Variants in SMG6 observed in about 807,000 individuals in gnomAD.
SMG6 encodes telomerase-binding protein EST1A.
A neutral mutation model predicts 142.2 loss-of-function variants in SMG6; 66 were observed. That is an observed-to-expected ratio of 0.46 (90% CI 0.38 to 0.57). SMG6 has a LOEUF of 0.57. SMG6 is among the 20% of genes least tolerant of loss of function. SMG6 has a pLI of 0.00. For missense variants in SMG6, 1,793 were observed against 1,832.0 expected (o/e 0.98, Z 0.39); for synonymous variants, 779 against 702.4 (o/e 1.11, Z -1.72).
rs1567722797 is a variant in SMG6, at chr17:2,255,947, G to T, written c.2662-11228C>A. ...CTCAGGGTTGAATGGATTAAGGGCG[G>T]TGCAAGATGTGCTTTGTTAAACAGA... is the stretch of plus-strand genomic sequence containing the variant. On this transcript the variant is annotated intron_variant, in intron 8 of 18. Transcript: ENST00000263073. 9 of 203,996 alleles carry T rather than the reference G, an allele frequency of 4.4e-5. 1 individual carries two copies. The highest frequency in any genetic ancestry group is 1.2e-4 in the African/African-American group (5 of 42,146). The allele number at this position is 203,996 out of a possible 1,614,324, so 12.6% of individuals were successfully genotyped here. A position where few individuals can be genotyped will look rare whatever the true frequency, so the allele number is the denominator to read the frequency against.
intron 13 of SMG6, among the ~76,000 whole-genome samples, chr17:2,098,115 A>G (rs7220412): frequency 0.018 from 2,805 of 152,038 alleles, 93 homozygotes; most frequent in African/African-American, 0.065. Flanking sequence ...CAACTTCCTC[A>G]GGAGCTGGGA....
chr17:2,091,123 T>C (rs1567589904), intron 13 of SMG6, among the ~76,000 whole-genome samples: 1 of 152,252 alleles, frequency 6.6e-6, no homozygotes, highest in East Asian at 1.9e-4. Flanking sequence ...CAGAGGAAAC[T>C]GAAGGGTGGG....
At chr17:2,092,963 A>G (rs1665740969) in intron 13 of SMG6, among the ~76,000 whole-genome samples, 1 of 152,150 alleles carries the variant, frequency 6.6e-6, no homozygotes, top group African/African-American at 2.4e-5. Flanking sequence ...GGGGAGGCTG[A>G]GGCAGTGGAT....
At chr17:2,246,789 T>C (rs2073937626) in intron 8 of SMG6, among the ~76,000 whole-genome samples, 1 of 151,974 alleles carries the variant, frequency 6.6e-6, no homozygotes, top group Admixed American at 6.6e-5. Flanking sequence ...CTACTAAAAA[T>C]ACAAAAATTA....
intron 12 of SMG6, among the ~76,000 whole-genome samples, chr17:2,186,256 CAA>C (rs397771010): frequency 3.6e-4 from 40 of 111,116 alleles, no homozygotes; most frequent in Non-Finnish European, 4.2e-4. Flanking sequence ...TACCCTGTTT[CAA>C]AAAAAAAAAA....
chr17:2,113,322 C>T (rs761585776), intron 13 of SMG6, among the ~76,000 whole-genome samples: 17 of 152,094 alleles, frequency 1.1e-4, no homozygotes, highest in Non-Finnish European at 2.4e-4. Flanking sequence ...GTGATCCACC[C>T]GCCTCGGCCT....
intron 10 of SMG6, among the ~76,000 whole-genome samples, chr17:2,215,172 G>A (rs919050041): frequency 3.9e-4 from 59 of 152,138 alleles, no homozygotes; most frequent in African/African-American, 1.4e-3. Context: ...AATGTGAAGA[G>A]TGGCTGCTGA....
intron 16 of SMG6, among the ~76,000 whole-genome samples, chr17:2,066,924 C>T (rs952254540): frequency 3.9e-5 from 6 of 152,210 alleles, no homozygotes; most frequent in African/African-American, 7.2e-5. Context: ...GTCAGGTCTG[C>T]GGAGCACAGA....
At chr17:2,092,788 A>C (rs372622488) in intron 13 of SMG6, among the ~76,000 whole-genome samples, 1 of 152,278 alleles carries the variant, frequency 6.6e-6, no homozygotes, top group Non-Finnish European at 1.5e-5. Context: ...CCTGGGCTTC[A>C]TAGTTACACA....
At chr17:2,265,772 C>T (rs1462958003) in intron 8 of SMG6, among the ~76,000 whole-genome samples, 1 of 152,196 alleles carries the variant, frequency 6.6e-6, no homozygotes, top group Non-Finnish European at 1.5e-5. Flanking sequence ...ATATTTTGCC[C>T]ATCCCTGTTC....
Position 2,251,662 on chromosome 17 carries a change from G to A in SMG6, c.2662-6943C>T, listed in dbSNP as rs79635221. On this transcript the variant is annotated intron_variant, in intron 8 of 18. Coordinates refer to ENST00000263073, the MANE Select transcript of SMG6 (RefSeq NM_017575.5). The stretch of plus-strand genomic sequence containing the variant: ...TTATACTAAAGCAATTTGTTACTTC[G>A]TTATCCCTCCTAGTTAAAGCCAGCA... Among the ~76,000 whole-genome samples the A allele has an allele frequency of 4.5e-3, 681 of 152,266 alleles. 7 individuals are homozygous for A. The highest frequency in any genetic ancestry group is 0.015 in the African/African-American group (643 of 41,538).
chr17:2,245,747 C>T (rs1011027968), intron 8 of SMG6, among the ~76,000 whole-genome samples: 1 of 152,024 alleles, frequency 6.6e-6, no homozygotes, highest in African/African-American at 2.4e-5. Context: ...GTGGTGTGAT[C>T]ACAGCTCACT....
In SMG6 at chr17:2,258,008, CAAAAAAAAAAAAAA is replaced by C. The variant is rs869066817; in HGVS notation, c.2662-13303_2662-13290del. On this transcript the variant is annotated intron_variant, in intron 8 of 18. Coordinates refer to ENST00000263073, the MANE Select transcript of SMG6 (RefSeq NM_017575.5). ...TGGGCGACAAAGCGAGACTCTGTCG[CAAAAAAAAAAAAAA>C]AAAAAAAAAAAAATATACACACACA... Among the ~76,000 whole-genome samples, 17 of 26,660 alleles carry C rather than the reference CAAAAAAAAAAAAAA, an allele frequency of 6.4e-4. 1 individual carries two copies. The highest frequency in any genetic ancestry group is 2.2e-3 in the African/African-American group (13 of 5,982). The allele number at this position is 26,660 out of a possible 152,430, so 17.5% of individuals were successfully genotyped here.
At chr17:2,205,353 G>A (rs1411095190) in intron 10 of SMG6, among the ~76,000 whole-genome samples, 2 of 152,098 alleles carry the variant, frequency 1.3e-5, no homozygotes, top group African/African-American at 2.4e-5. Context: ...CCAAATTGCT[G>A]GGATTACAGG....
intron 10 of SMG6, among the ~76,000 whole-genome samples, chr17:2,188,839 G>C (rs181202903): frequency 1.3e-5 from 2 of 152,176 alleles, no homozygotes; most frequent in Non-Finnish European, 2.9e-5. Context: ...TAAAGCCATC[G>C]TAACAAGAAC....
intron 15 of SMG6, 139 bp from the exon 16 acceptor site, chr17:2,069,070 G>A: frequency 2.5e-6 from 2 of 810,906 alleles, no homozygotes; most frequent in East Asian, 2.7e-5. Flanking sequence ...GTCCCCGTCG[G>A]GTCTCAGGGA....
chr17:2,192,621 A>G (rs1397169802), intron 10 of SMG6, among the ~76,000 whole-genome samples: 3 of 152,132 alleles, frequency 2.0e-5, no homozygotes, highest in Non-Finnish European at 4.4e-5. Flanking sequence ...CCTCCAAACT[A>G]CCACCACCTG....
At chr17:2,134,858 C>G (rs1567625566) in intron 13 of SMG6, among the ~76,000 whole-genome samples, 1 of 144,880 alleles carries the variant, frequency 6.9e-6, no homozygotes, top group African/African-American at 2.6e-5. Flanking sequence ...TCATCCCAGA[C>G]CTTTTTTAAA....
intron 13 of SMG6, among the ~76,000 whole-genome samples, chr17:2,151,553 C>G (rs776675754): frequency 6.6e-6 from 1 of 152,208 alleles, no homozygotes; most frequent in Non-Finnish European, 1.5e-5. Context: ...CTAAGGCAGG[C>G]CTCCTCTGAC....
Sources: allele counts gnomAD v4.1 joint callset (sites outside exome capture counted in the v4.1 genomes callset), GRCh38; gene constraint gnomAD v4.1.1; transcripts MANE v1.5; gene names NCBI Gene and HGNC (gene_info 2026-07-23, HGNC 2026-07-21).